Variants in BACH2 observed in about 807,000 individuals in gnomAD.
The protein encoded by BACH2 is transcription regulator protein BACH2.
Under a neutral mutation model 61.8 loss-of-function variants are expected in BACH2, and 5 were observed. The ratio of observed to expected loss-of-function variants is 0.08; its 90% CI spans 0.04 to 0.17. The LOEUF (loss-of-function observed/expected upper bound fraction) is 0.17, where lower values mean the gene tolerates loss of function less well. Ranked by LOEUF, BACH2 falls within the 10% of genes least tolerant of loss-of-function variation. The probability of loss-of-function intolerance (pLI) is 1.00; values close to 1 mark genes in which losing one functional copy is unlikely to be tolerated. For missense variants in BACH2, 824 were observed against 1,091.1 expected, an observed-to-expected ratio of 0.76 and a Z score of 3.45; for synonymous variants, 446 against 440.1, an observed-to-expected ratio of 1.01 and a Z score of -0.17.
At chr6:90,260,518 G>A (rs985168104) in intron 2 of BACH2, among the ~76,000 whole-genome samples, 1 of 152,152 alleles carries the variant, frequency 6.6e-6, no homozygotes, top group South Asian at 2.1e-4. Context: ...TTTACATTCT[G>A]CTGCTGTTGG....
intron 2 of BACH2, among the ~76,000 whole-genome samples, chr6:90,266,899 C>T (rs1771351333): frequency 6.6e-6 from 1 of 152,038 alleles, no homozygotes; most frequent in Non-Finnish European, 1.5e-5. Context: ...AGGGTTAATT[C>T]TATATGAACT....
At chr6:89,976,089 T>C (rs1030865940) in intron 6 of BACH2, among the ~76,000 whole-genome samples, 7 of 152,212 alleles carry the variant, frequency 4.6e-5, no homozygotes, top group Non-Finnish European at 7.3e-5. Context: ...CATCTTGTCA[T>C]GCCTGAGTAT....
At position 90,034,380 on chromosome 6, in the gene BACH2, C is replaced by T. The variant is rs185595179; in HGVS notation, c.-12-25524G>A. On this transcript the variant is annotated intron_variant, in intron 5 of 8. Transcript: ENST00000257749. ...TTTATTGTACAGACTGGACTAGACT[C>T]TGTAGTCTTCACAGAGTGATCATTA... is the stretch of plus-strand genomic sequence containing the variant. 2.0e-5 allele frequency among the ~76,000 whole-genome samples: 3 copies of T among 152,246 alleles called. No homozygotes were observed. In the East Asian group the frequency reaches 5.8e-4, roughly 29 times the overall value.
chr6:89,957,513 A>T (rs921593777), intron 6 of BACH2, among the ~76,000 whole-genome samples: 1 of 151,916 alleles, frequency 6.6e-6, no homozygotes, highest in Non-Finnish European at 1.5e-5. Context: ...TACAGGTGTA[A>T]GCCACCACAT....
intron 5 of BACH2, among the ~76,000 whole-genome samples, chr6:90,074,955 T>C (rs1274800332): frequency 2.0e-5 from 3 of 152,114 alleles, no homozygotes; most frequent in Non-Finnish European, 4.4e-5. Context: ...CTCTACAGAA[T>C]GGAAGAGAAT....
At chr6:90,063,510 G>T (rs1780793397) in intron 5 of BACH2, among the ~76,000 whole-genome samples, 1 of 152,144 alleles carries the variant, frequency 6.6e-6, no homozygotes, top group Admixed American at 6.5e-5. Context: ...TAAAAAGAAA[G>T]AAAAAGGTGC....
chr6:90,275,011 T>C (rs1316490171), intron 1 of BACH2, among the ~76,000 whole-genome samples: 1 of 152,194 alleles, frequency 6.6e-6, no homozygotes, highest in African/African-American at 2.4e-5. Flanking sequence ...GTCTTTGCTT[T>C]GGCACCAGGC....
At chr6:90,275,416 A>G (rs1466482070) in intron 1 of BACH2, among the ~76,000 whole-genome samples, 1 of 151,890 alleles carries the variant, frequency 6.6e-6, no homozygotes, top group Non-Finnish European at 1.5e-5. Flanking sequence ...GAAAAATGGA[A>G]TAAGCTCAAA....
chr6:90,176,416 G>C (rs1767985889), intron 4 of BACH2, among the ~76,000 whole-genome samples: 1 of 152,066 alleles, frequency 6.6e-6, no homozygotes. Flanking sequence ...CACTGGGAAG[G>C]GGCAGCTCTG....
chr6:90,011,229 T>TAA (rs1457081890), intron 5 of BACH2, among the ~76,000 whole-genome samples: 12 of 152,198 alleles, frequency 7.9e-5, no homozygotes, highest in Admixed American at 7.9e-4. Flanking sequence ...TTTGTGTAGG[T>TAA]AACAGGTATG....
In BACH2 at chr6:90,044,198, A is replaced by G. The variant is rs56856969; in HGVS notation, c.-12-35342T>C. On this transcript the variant is annotated intron_variant, in intron 5 of 8. Transcript: ENST00000257749. ...GAGGAAAAAAATAAGGCAGGGCAAG[A>G]GCAGTGAAGGATGTGGGCGGTGAGG... is the stretch of plus-strand genomic sequence containing the variant. Among the ~76,000 whole-genome samples the G allele has an allele frequency of 9.8e-3, 1,492 of 152,332 alleles. 25 individuals carry two copies. The highest frequency in any genetic ancestry group is 0.034 in the African/African-American group (1,393 of 41,564).
chr6:89,965,103 T>A (rs1023281290), intron 6 of BACH2, among the ~76,000 whole-genome samples: 6 of 152,180 alleles, frequency 3.9e-5, no homozygotes, highest in African/African-American at 1.4e-4. Flanking sequence ...GTCAGGCTAG[T>A]CTCGAACTCC....
intron 6 of BACH2, among the ~76,000 whole-genome samples, chr6:89,966,291 T>C (rs1775043913): frequency 6.6e-6 from 1 of 152,230 alleles, no homozygotes; most frequent in Non-Finnish European, 1.5e-5. Context: ...ACCAGACTTT[T>C]TGCCAAAGGG....
intron 4 of BACH2, among the ~76,000 whole-genome samples, chr6:90,134,457 G>C (rs1010201190): frequency 2.0e-5 from 3 of 152,214 alleles, no homozygotes; most frequent in Non-Finnish European, 4.4e-5. Flanking sequence ...GAGGATGGAT[G>C]AGAAGAGTCC....
In BACH2 at chr6:89,951,346, C is replaced by A; in HGVS notation, c.760G>T (p.Ala254Ser). The change falls in exon 7 of 9, where the codon GCA becomes TCA. Residue 254 changes from alanine (A) to serine (S), a missense_variant. Physicochemically the swap from Ala to Ser is moderately conservative, Grantham distance 99 (BLOSUM62 1). Around this residue, in one of 8 missense-constraint regions of BACH2, gnomAD observed 226 missense variants for 228.5 expected, o/e 0.99. Coordinates refer to ENST00000257749, the MANE Select transcript of BACH2 (RefSeq NM_021813.4). This position sits in a 1 kb window ranked among gnomAD's most constrained non-coding sequence, Gnocchi z 6.4. ...NASSHSTSGF[A>S]STFREDNSSN... ...GAGTTATCTTCCCGGAATGTGCTTG[C>A]AAAACCTGAGGTACTGTGTGATGAT... 1 of 1,614,240 alleles carries A rather than the reference C, an allele frequency of 6.2e-7. No individual in the cohort carries two copies. The highest frequency in any genetic ancestry group is 1.1e-5 in the South Asian group (1 of 91,088).
In BACH2 at chr6:90,022,379, T is replaced by C. The variant is rs556685191; in HGVS notation, c.-12-13523A>G. Among the ~76,000 whole-genome samples the C allele has an allele frequency of 5.0e-4, 76 of 152,054 alleles. 1 individual carries two copies. The highest frequency in any genetic ancestry group is 1.8e-3 in the African/African-American group (76 of 41,472). On this transcript the variant is annotated intron_variant, in intron 5 of 8. Transcript: ENST00000257749. ...TGGGCAGATTGCTTGAGGCCAGGAG[T>C]TGGAGACCAGCCTGGTCAACATGGT... is the stretch of plus-strand genomic sequence containing the variant.
At chr6:90,128,891 G>C (rs1018692126) in intron 4 of BACH2, among the ~76,000 whole-genome samples, 1 of 152,170 alleles carries the variant, frequency 6.6e-6, no homozygotes, top group African/African-American at 2.4e-5. Flanking sequence ...CATAAAAAAT[G>C]ATGAGTTCAT....
At chr6:90,141,897 A>G (rs1258118097) in intron 4 of BACH2, among the ~76,000 whole-genome samples, 3 of 152,180 alleles carry the variant, frequency 2.0e-5, no homozygotes, top group Non-Finnish European at 4.4e-5. Context: ...CCTGGCCAAC[A>G]TGGCAAAACC....
chr6:90,009,133 T>A (rs1745735910), intron 5 of BACH2, among the ~76,000 whole-genome samples: 1 of 148,380 alleles, frequency 6.7e-6, no homozygotes, highest in Admixed American at 6.7e-5. Context: ...GATCTTTTAA[T>A]AGAACATTTA....
Sources: allele counts gnomAD v4.1 joint callset (sites outside exome capture counted in the v4.1 genomes callset), GRCh38; gene constraint gnomAD v4.1.1; regional missense constraint gnomAD v4.1.1; non-coding constraint Gnocchi (gnomAD v3.1); transcripts MANE v1.5; gene names NCBI Gene and HGNC (gene_info 2026-07-23, HGNC 2026-07-21).